Variants in PFN4 observed in about 807,000 individuals in gnomAD.
PFN4 encodes profilin-4.
Under a neutral mutation model 16.3 loss-of-function variants are expected in PFN4, and 10 were observed. The ratio of observed to expected loss-of-function variants is 0.61; its 90% CI spans 0.38 to 1.04. The LOEUF is 1.04. PFN4 is among the 50% of genes least tolerant of loss of function. The pLI, the probability that PFN4 is intolerant of heterozygous loss-of-function variation, is 0.01. For synonymous variants in PFN4, 54 were observed against 56.9 expected, an observed-to-expected ratio of 0.95 and a Z score of 0.23; for missense variants, 136 against 153.6, an observed-to-expected ratio of 0.89 and a Z score of 0.61.
At chr2:24,120,042 A>G (rs1041812322) in intron 3 of PFN4, among the ~76,000 whole-genome samples, 5 of 152,106 alleles carry the variant, frequency 3.3e-5, no homozygotes, top group African/African-American at 1.2e-4. Context: ...GCCAAGGCAG[A>G]AAGATCACCT....
chr2:24,121,125 T>C (rs1226049553), intron 3 of PFN4, 38 bp downstream of exon 3: 1 of 1,606,084 alleles, frequency 6.2e-7, no homozygotes, highest in African/African-American at 1.3e-5. Flanking sequence ...GCAAATTCTT[T>C]TCTTTTACTC....
chr2:24,122,458 G>T lies in PFN4; in HGVS notation c.78C>A (p.Ile26=). The change falls in exon 2 of 5, where the codon ATC becomes ATA. Residue 26 remains isoleucine, a synonymous_variant. Coordinates refer to ENST00000313213, the MANE Select transcript of PFN4 (RefSeq NM_199346.3). ...ATGCTACACACAAGCTCCGCTCCTG[G>T]ATTTTGATGAGGGCTGCACTGTCCA... ...KHVDSAALIK[I]QERSLCVASP... 1 of 1,614,086 alleles carries T rather than the reference G, an allele frequency of 6.2e-7. No homozygotes were observed. Among genetic ancestry groups the T allele is most frequent in the Non-Finnish European group, 8.5e-7 (1 of 1,179,970 alleles).
intron 4 of PFN4, among the ~76,000 whole-genome samples, chr2:24,118,305 T>C (rs1026408259): frequency 6.6e-6 from 1 of 152,232 alleles, no homozygotes. Context: ...GGTCCAATAA[T>C]GCAAAATGCA....
Position 24,122,481 on chromosome 2 carries a change from C to G in PFN4, c.55G>C (p.Asp19His), listed in dbSNP as rs1237516152. Residue 19 changes from aspartate to histidine, a missense_variant, in exon 2 of 5, where the codon GAC becomes CAC. Transcript: ENST00000313213. ...TGGATTTTGATGAGGGCTGCACTGT[C>G]CACATGCTTGGTTCCCAAGAGGGTG... is the stretch of plus-strand genomic sequence containing the variant. ...LDTLLGTKHV[D>H]SAALIKIQER... The G allele has an allele frequency of 3.1e-6, 5 of 1,614,194 alleles. 1 individual carries two copies. The South Asian group carries it at 5.5e-5, about 18-fold the overall frequency.
intron 3 of PFN4, among the ~76,000 whole-genome samples, chr2:24,120,825 C>T (rs1332092213): frequency 6.6e-6 from 1 of 151,854 alleles, no homozygotes; most frequent in Non-Finnish European, 1.5e-5. Flanking sequence ...GTGTGAGCCA[C>T]TGTGCCTGGC....
intron 3 of PFN4, among the ~76,000 whole-genome samples, chr2:24,119,901 G>C (rs1186552095): frequency 6.6e-6 from 1 of 152,074 alleles, no homozygotes; most frequent in African/African-American, 2.4e-5. Context: ...AAAAGTTTCA[G>C]ACTGTTATAA....
chr2:24,120,975 T>C (rs1666095956), intron 3 of PFN4, among the ~76,000 whole-genome samples, 188 bp downstream of exon 3: 1 of 151,254 alleles, frequency 6.6e-6, no homozygotes, highest in Non-Finnish European at 1.5e-5. Flanking sequence ...TGAACATTTC[T>C]CAAAACCAGG....
intron 4 of PFN4, among the ~76,000 whole-genome samples, chr2:24,118,827 TTGAA>T (rs1047955035): frequency 6.6e-6 from 1 of 152,136 alleles, no homozygotes; most frequent in Non-Finnish European, 1.5e-5. Context: ...TGAATGTTTG[TTGAA>T]TGAATGAATG....
intron 4 of PFN4, among the ~76,000 whole-genome samples, chr2:24,119,237 T>G (rs574924549): frequency 6.6e-6 from 1 of 151,848 alleles, no homozygotes; most frequent in Admixed American, 6.6e-5. Flanking sequence ...CCATATGACC[T>G]GAAACTTGCC....
Position 24,121,265 on chromosome 2 carries a change from T to C in PFN4, c.153A>G (p.Gly51=), listed in dbSNP as rs745993258. ...GGGCTTGCAAAGGGTTCTTGGCAAA[T>C]CCATTCACCAGTGTTCGGACATCAC... The part of the protein sequence containing the change: ...TPSDVRTLVN[G]FAKNPLQARR... Residue 51 remains glycine, a synonymous_variant, in exon 3 of 5, where the codon GGA becomes GGG. Coordinates refer to ENST00000313213, the MANE Select transcript of PFN4 (RefSeq NM_199346.3). 5 of 1,614,034 alleles carry C rather than the reference T, an allele frequency of 3.1e-6. No individual in the cohort carries two copies. Among genetic ancestry groups the C allele is most frequent in the Non-Finnish European group, 4.2e-6 (5 of 1,180,032 alleles).
At position 24,122,562 on chromosome 2, in the gene PFN4, G is replaced by A. The variant is rs771165538; in HGVS notation, c.-12-15C>T. On this transcript the variant is annotated splice_polypyrimidine_tract_variant and intron_variant, in intron 1 of 4. Transcript: ENST00000313213. ...TTCCCTCAACTCTGAAAGGGAAAGT[G>A]CAGTTGAAGCCATTGACTCTGGCTA... 2.0e-6 allele frequency: 3 copies of A among 1,505,280 alleles called. No homozygotes were observed. The Admixed American group carries it at 5.2e-5, about 26-fold the overall frequency. The allele number at this position is 1,505,280 out of a possible 1,614,324, so 93.2% of individuals were successfully genotyped here. A position where few individuals can be genotyped will look rare whatever the true frequency, so the allele number is the denominator to read the frequency against.
chr2:24,120,286 CAA>C (rs1307180740), intron 3 of PFN4, among the ~76,000 whole-genome samples: 26 of 150,510 alleles, frequency 1.7e-4, no homozygotes, highest in South Asian at 6.3e-4. Flanking sequence ...AAAACAACAA[CAA>C]AACAAAACAA....
At chr2:24,120,277 A>AAC (rs1553329185) in intron 3 of PFN4, among the ~76,000 whole-genome samples, 4,499 of 151,482 alleles carry the variant, frequency 0.03, 86 homozygotes, top group African/African-American at 0.057. Flanking sequence ...TCAAAAAAAA[A>AAC]AACAACAACA....
At chr2:24,115,864 A>G (rs932052798) in intron 4 of PFN4, among the ~76,000 whole-genome samples, 6 of 148,962 alleles carry the variant, frequency 4.0e-5, no homozygotes, top group Non-Finnish European at 8.9e-5. Flanking sequence ...GTGCCATAGT[A>G]GAGGTATTTG....
chr2:24,117,295 C>T (rs182189070), intron 4 of PFN4, among the ~76,000 whole-genome samples: 12 of 151,784 alleles, frequency 7.9e-5, no homozygotes, highest in Admixed American at 5.2e-4. Flanking sequence ...GGATTACAGG[C>T]GTGAGCCACT....
chr2:24,119,107 T>C (rs1666016632), intron 4 of PFN4, among the ~76,000 whole-genome samples: 1 of 152,156 alleles, frequency 6.6e-6, no homozygotes, highest in African/African-American at 2.4e-5. Flanking sequence ...TTCCTTTTCC[T>C]GTAAAATGTC....
chr2:24,120,288 A>ACAG (rs1374520004), intron 3 of PFN4, among the ~76,000 whole-genome samples: 126 of 151,420 alleles, frequency 8.3e-4, no homozygotes, highest in African/African-American at 3.0e-3. Flanking sequence ...AACAACAACA[A>ACAG]AACAAAACAA....
rs1231206408 is a variant in PFN4 at position 24,123,252 on chromosome 2, C to T, written c.-147G>A. ...ACTCGAGGGAGCGGACGCCACCCCGCTCTGTGGTGCCCGCAAGGACCCGGC... is the reference window on the plus strand; with the variant it reads ...ACTCGAGGGAGCGGACGCCACCCCGTTCTGTGGTGCCCGCAAGGACCCGGC... On this transcript the variant is annotated 5_prime_UTR_variant, in exon 1 of 5. Transcript: ENST00000313213. The T allele has an allele frequency of 6.6e-6, 1 of 152,194 alleles. No individual in the cohort carries two copies. The highest frequency in any genetic ancestry group is 1.9e-4 in the East Asian group (1 of 5,178). 9.4% of individuals were successfully genotyped at this position (152,194 alleles called of 1,614,324 possible). A position where few individuals can be genotyped will look rare whatever the true frequency, so the allele number is the denominator to read the frequency against.
chr2:24,121,107 A>G, intron 3 of PFN4, 56 bp downstream of exon 3: 1 of 1,599,442 alleles, frequency 6.3e-7, no homozygotes. Context: ...GAGCAAGGAA[A>G]TTTGGAGGCA....
Sources: allele counts gnomAD v4.1 joint callset (sites outside exome capture counted in the v4.1 genomes callset), GRCh38; gene constraint gnomAD v4.1.1; transcripts MANE v1.5; gene names NCBI Gene and HGNC (gene_info 2026-07-23, HGNC 2026-07-21).